Variants in STARD13 observed in about 807,000 individuals in gnomAD.
STARD13 encodes the protein StAR related lipid transfer domain containing 13, also known as stAR-related lipid transfer protein 13.
STARD13 carries 62 observed loss-of-function variants against 106.4 expected under a neutral mutation model. The observed-to-expected ratio is 0.58, with a 90% CI of 0.48 to 0.72. STARD13 has a LOEUF of 0.72. Ranked by LOEUF, STARD13 falls within the 30% of genes least tolerant of loss-of-function variation. The probability of loss-of-function intolerance (pLI) is 0.00; values close to 1 mark genes in which losing one functional copy is unlikely to be tolerated. For synonymous variants in STARD13, 565 were observed against 553.0 expected, an observed-to-expected ratio of 1.02 and a Z score of -0.31; for missense variants, 1,387 against 1,424.0, an observed-to-expected ratio of 0.97 and a Z score of 0.42.
the STARD13 span, among the ~76,000 whole-genome samples, chr13:33,427,734 T>C: frequency 6.6e-6 from 1 of 152,082 alleles, no homozygotes; most frequent in East Asian, 1.9e-4. Flanking sequence ...GGCGGGCGGA[T>C]CACCTGAGGT....
At chr13:33,243,315 G>C (rs1889630090) in intron 1 of STARD13, among the ~76,000 whole-genome samples, 1 of 152,166 alleles carries the variant, frequency 6.6e-6, no homozygotes, top group African/African-American at 2.4e-5. Context: ...GGAATGGTAG[G>C]CATCAAAGAG....
At chr13:33,663,708 G>A in the STARD13 span, among the ~76,000 whole-genome samples, 5 of 152,102 alleles carry the variant, frequency 3.3e-5, no homozygotes, top group African/African-American at 1.2e-4. Flanking sequence ...AGTGTTCTAC[G>A]ACAGTCAGAA....
chr13:33,146,348 G>A (rs1253585801), intron 3 of STARD13, among the ~76,000 whole-genome samples: 3 of 152,154 alleles, frequency 2.0e-5, no homozygotes, highest in East Asian at 1.9e-4. Flanking sequence ...GCTGGGCATG[G>A]TGGCACGTGC....
intron 1 of STARD13, among the ~76,000 whole-genome samples, chr13:33,261,883 T>C (rs187433494): frequency 3.3e-5 from 5 of 152,300 alleles, no homozygotes; most frequent in African/African-American, 1.2e-4. Flanking sequence ...ATGCACGGGT[T>C]GCTTGGGTTC....
intron 1 of STARD13, among the ~76,000 whole-genome samples, chr13:33,260,272 A>G (rs1203440697): frequency 1.3e-5 from 2 of 152,220 alleles, no homozygotes; most frequent in East Asian, 1.9e-4. Flanking sequence ...TTCATTTGCC[A>G]TAGATTCAAA....
the STARD13 span, among the ~76,000 whole-genome samples, chr13:33,461,874 A>T: frequency 6.6e-6 from 1 of 152,236 alleles, no homozygotes; most frequent in Non-Finnish European, 1.5e-5. Context: ...TAACTTGCCC[A>T]TACAGTCTTA....
intron 11 of STARD13, 28 bp downstream of exon 11, chr13:33,110,658 G>C (rs201961396): frequency 6.3e-7 from 1 of 1,581,122 alleles, no homozygotes; most frequent in Admixed American, 1.7e-5. Context: ...CTTTCTGGGG[G>C]TGATCTTTTT....
intron 1 of STARD13, among the ~76,000 whole-genome samples, chr13:33,308,281 T>C (rs1189100132): frequency 6.6e-6 from 1 of 152,192 alleles, no homozygotes; most frequent in African/African-American, 2.4e-5. Flanking sequence ...ATATAAGCGG[T>C]GTACAGACAG....
At chr13:33,471,522 C>T in the STARD13 span, among the ~76,000 whole-genome samples, 1 of 152,162 alleles carries the variant, frequency 6.6e-6, no homozygotes, top group African/African-American at 2.4e-5. Context: ...ATACCTAATA[C>T]TCCCTCAGAG....
At chr13:33,507,149 C>T in the STARD13 span, among the ~76,000 whole-genome samples, 1 of 152,062 alleles carries the variant, frequency 6.6e-6, no homozygotes, top group Non-Finnish European at 1.5e-5. Context: ...AACTATAATG[C>T]CAGATTCTCT....
chr13:33,649,232 C>T, the STARD13 span, among the ~76,000 whole-genome samples: 1 of 152,138 alleles, frequency 6.6e-6, no homozygotes, highest in African/African-American at 2.4e-5. Flanking sequence ...TTAGCTAACA[C>T]ACGTTTATTG....
intron 4 of STARD13, among the ~76,000 whole-genome samples, chr13:33,141,130 G>A (rs555108558): frequency 3.3e-5 from 5 of 152,260 alleles, no homozygotes; most frequent in South Asian, 2.1e-4. Flanking sequence ...GAGTTGCTAC[G>A]TAGTAGAGAT....
intron 7 of STARD13, among the ~76,000 whole-genome samples, chr13:33,125,600 T>C (rs986505446): frequency 2.0e-5 from 3 of 152,058 alleles, no homozygotes; most frequent in Non-Finnish European, 2.9e-5. Context: ...TTTTAAAAGA[T>C]GTAAATAAAT....
At chr13:33,484,746 T>C in the STARD13 span, among the ~76,000 whole-genome samples, 1 of 152,178 alleles carries the variant, frequency 6.6e-6, no homozygotes, top group African/African-American at 2.4e-5. Flanking sequence ...ATTGGCCCTA[T>C]CTGGGCAGTG....
the STARD13 span, among the ~76,000 whole-genome samples, chr13:33,470,059 C>T: frequency 1.3e-5 from 2 of 152,118 alleles, no homozygotes; most frequent in South Asian, 4.1e-4. Context: ...CCCCTCAACT[C>T]CCCGACAGGC....
At chr13:33,312,086 T>C (rs1347152794) in intron 1 of STARD13, among the ~76,000 whole-genome samples, 1 of 152,238 alleles carries the variant, frequency 6.6e-6, no homozygotes, top group Non-Finnish European at 1.5e-5. Flanking sequence ...AAGCATTTCA[T>C]GAAATATCCA....
At chr13:33,585,968 G>A in the STARD13 span, among the ~76,000 whole-genome samples, 3 of 152,332 alleles carry the variant, frequency 2.0e-5, no homozygotes, top group Non-Finnish European at 2.9e-5. Flanking sequence ...TGATGGGGAT[G>A]AAGTTTTAGT....
In STARD13 at chr13:33,220,415, A is replaced by G. The variant is rs1470600293; in HGVS notation, c.170-52793T>C. Among the ~76,000 whole-genome samples, 2 of 152,236 alleles carry G rather than the reference A, an allele frequency of 1.3e-5. 1 individual carries two copies. The highest frequency in any genetic ancestry group is 2.9e-5 in the Non-Finnish European group (2 of 68,046). On this transcript the variant is annotated intron_variant, in intron 1 of 13. Transcript: ENST00000336934. ...TTATAAAAATGACTGCATTTAGGCCAGGCGTGGTGGCTCACGCCTGTAATC... is the reference window on the plus strand; with the variant it reads ...TTATAAAAATGACTGCATTTAGGCCGGGCGTGGTGGCTCACGCCTGTAATC...
intron 1 of STARD13, among the ~76,000 whole-genome samples, chr13:33,179,382 T>C (rs1180356742): frequency 6.6e-6 from 1 of 152,116 alleles, no homozygotes; most frequent in Non-Finnish European, 1.5e-5. Flanking sequence ...CCTCAGAGGG[T>C]TGCCGTAAAG....
Sources: allele counts gnomAD v4.1 joint callset (sites outside exome capture counted in the v4.1 genomes callset), GRCh38; gene constraint gnomAD v4.1.1; transcripts MANE v1.5; gene names NCBI Gene and HGNC (gene_info 2026-07-23, HGNC 2026-07-21).